The following SPA17 variants were observed in gnomAD, a reference collection of about 807,000 sequenced individuals.
SPA17 encodes sperm autoantigenic protein 17, also known as sperm surface protein Sp17.
In SPA17, 7 loss-of-function variants were observed where a neutral mutation model predicts 13.8. That is an observed-to-expected ratio of 0.51 (90% CI 0.29 to 0.95). The LOEUF (loss-of-function observed/expected upper bound fraction) is 0.95, where lower values mean the gene tolerates loss of function less well. Ranked by LOEUF, SPA17 falls within the 40% of genes least tolerant of loss-of-function variation. The pLI, the probability that SPA17 is intolerant of heterozygous loss-of-function variation, is 0.08. For missense variants in SPA17, 170 were observed against 179.3 expected (o/e 0.95, Z 0.30); for synonymous variants, 61 against 59.0 (o/e 1.03, Z -0.16).
intron 2 of SPA17, among the ~76,000 whole-genome samples, chr11:124,677,208 C>G (rs914893138): frequency 3.3e-5 from 5 of 152,106 alleles, no homozygotes; most frequent in Non-Finnish European, 7.4e-5. Context: ...GACAAATTAT[C>G]TAGAAGATAC....
intron 4 of SPA17, among the ~76,000 whole-genome samples, chr11:124,693,549 A>G (rs980465805): frequency 1.3e-5 from 2 of 152,134 alleles, no homozygotes; most frequent in African/African-American, 4.8e-5. Context: ...AAGGATGTAG[A>G]TACTCAACTC....
chr11:124,675,781 C>T (rs1281309534), intron 2 of SPA17: 2 of 165,372 alleles, frequency 1.2e-5, no homozygotes, highest in African/African-American at 4.8e-5. Flanking sequence ...GCATCCCTGG[C>T]AGCTGACTGT....
At chr11:124,679,172 C>T (rs1943502460) in intron 2 of SPA17, among the ~76,000 whole-genome samples, 1 of 149,822 alleles carries the variant, frequency 6.7e-6, no homozygotes, top group Non-Finnish European at 1.5e-5. Flanking sequence ...AATGTAAAAG[C>T]AAAGTGAAAC....
chr11:124,675,283 A>G lies in SPA17; in HGVS notation c.19A>G (p.Asn7Asp). 1 of 1,613,752 alleles carries G rather than the reference A, an allele frequency of 6.2e-7. No homozygotes were observed. The highest frequency in any genetic ancestry group is 8.5e-7 in the Non-Finnish European group (1 of 1,179,938). The change falls in exon 2 of 5, where the codon AAC becomes GAC. Residue 7 changes from asparagine (N) to aspartate (D), a missense_variant. Physicochemically the swap from Asn to Asp is conservative, Grantham distance 23. Coordinates refer to ENST00000227135, the MANE Select transcript of SPA17 (RefSeq NM_017425.4). MSIPFSNTHYRIPQGFG... is the reference protein window; with the variant it reads MSIPFSDTHYRIPQGFG... ...CAAGAAGATGTCGATTCCATTCTCC[A>G]ACACCCACTACCGAATTCCACAAGG...
At chr11:124,692,316 C>T (rs1406799550) in intron 4 of SPA17, among the ~76,000 whole-genome samples, 2 of 152,024 alleles carry the variant, frequency 1.3e-5, no homozygotes, top group Admixed American at 6.6e-5. Context: ...CGTGGTGGCT[C>T]ACGTCTGTAA....
At chr11:124,689,747 G>A (rs748082690) in intron 3 of SPA17, among the ~76,000 whole-genome samples, 3 of 150,674 alleles carry the variant, frequency 2.0e-5, no homozygotes, top group Admixed American at 2.0e-4. Flanking sequence ...AACAGAGTGA[G>A]ACCCTGTCTC....
chr11:124,691,819 A>G (rs779200893), intron 4 of SPA17, 37 bp downstream of exon 4: 2 of 1,401,950 alleles, frequency 1.4e-6, no homozygotes, highest in East Asian at 2.3e-5. Context: ...GGATTCCTAC[A>G]AAGAATGATA....
chr11:124,681,133 T>A (rs938614712), intron 2 of SPA17, among the ~76,000 whole-genome samples: 2 of 152,122 alleles, frequency 1.3e-5, no homozygotes, highest in African/African-American at 4.8e-5. Context: ...ATTATAAATT[T>A]TATGAAGGCA....
rs1172906645 is a variant in SPA17 at position 124,694,877 on chromosome 11, A to G, written c.*431A>G. On this transcript the variant is annotated 3_prime_UTR_variant, in exon 5 of 5. Coordinates refer to ENST00000227135, the MANE Select transcript of SPA17 (RefSeq NM_017425.4). The stretch of plus-strand genomic sequence containing the variant: ...TAGTCTATTTAATTTTGGAATTTTT[A>G]GAAAGATAAGCTGGGACAAAAATCT... 6.5e-6 allele frequency: 1 copy of G among 152,902 alleles called. No homozygotes were observed. The highest frequency in any genetic ancestry group is 2.4e-5 in the African/African-American group (1 of 41,460). The allele number at this position is 152,902 out of a possible 1,614,324, so 9.5% of individuals were successfully genotyped here.
chr11:124,679,825 C>T (rs750752875), intron 2 of SPA17, among the ~76,000 whole-genome samples: 2 of 152,130 alleles, frequency 1.3e-5, no homozygotes, highest in African/African-American at 2.4e-5. Flanking sequence ...CATTTGAGCA[C>T]CTGAATAAGC....
At chr11:124,684,497 C>A (rs545784350) in intron 3 of SPA17, among the ~76,000 whole-genome samples, 68 of 152,252 alleles carry the variant, frequency 4.5e-4, no homozygotes, top group African/African-American at 1.6e-3. Context: ...AGTGATCTAC[C>A]CACCTCGTCT....
rs936139883 is a variant in SPA17, at chr11:124,682,420, A to C, written c.225+961A>C. Among the ~76,000 whole-genome samples, 6 of 152,140 alleles carry C rather than the reference A, an allele frequency of 3.9e-5. No individual in the cohort carries two copies. The East Asian group carries it at 1.2e-3, about 29-fold the overall frequency. ...AAATTCTTAAAGTCTCAGATAAGGAACTCAAAATACTGATTTTTAAATATG... is the reference window on the plus strand; with the variant it reads ...AAATTCTTAAAGTCTCAGATAAGGACCTCAAAATACTGATTTTTAAATATG... On this transcript the variant is annotated intron_variant, in intron 3 of 4. Transcript: ENST00000227135.
rs368516486 is a variant in SPA17, at chr11:124,675,357, A to G, written c.93A>G (p.Gln31=). Residue 31 remains glutamine, a synonymous_variant, in exon 2 of 5, where the codon CAA becomes CAG. Transcript: ENST00000227135. ...TGACACGCGAGATTCTGAGAGAGCA[A>G]CCGGACAATATACCAGCTTTTGCAG... ...EGLTREILRE[Q]PDNIPAFAAA... 3.1e-6 allele frequency: 5 copies of G among 1,614,114 alleles called. No homozygotes were observed. The highest frequency in any genetic ancestry group is 4.2e-6 in the Non-Finnish European group (5 of 1,180,046).
intron 3 of SPA17, among the ~76,000 whole-genome samples, chr11:124,686,999 A>G (rs1943583914): frequency 6.6e-6 from 1 of 152,184 alleles, no homozygotes; most frequent in Admixed American, 6.5e-5. Context: ...CAAAACAAAA[A>G]GTTGGTTCTT....
In SPA17 at chr11:124,695,785, A is replaced by G. The variant is rs1591409730; in HGVS notation, c.*1339A>G. The G allele has an allele frequency of 1.3e-5, 2 of 152,406 alleles. No homozygotes were observed. The highest frequency in any genetic ancestry group is 3.9e-4 in the East Asian group (2 of 5,186). The allele number at this position is 152,406 out of a possible 1,614,324, so 9.4% of individuals were successfully genotyped here. Reference sequence around the variant, plus strand: ...CAAAGCCAGTGTTCCCCCAAAGCTTAAAAACAAGCCAGGATGGCTCAGTCC... The same window carrying G: ...CAAAGCCAGTGTTCCCCCAAAGCTTGAAAACAAGCCAGGATGGCTCAGTCC... On this transcript the variant is annotated 3_prime_UTR_variant, in exon 5 of 5. Coordinates refer to ENST00000227135, the MANE Select transcript of SPA17 (RefSeq NM_017425.4).
rs527573784 is a variant in SPA17, at chr11:124,692,185, C to G, written c.312+403C>G. 9.8e-5 allele frequency among the ~76,000 whole-genome samples: 15 copies of G among 152,300 alleles called. No homozygotes were observed. In the South Asian group the frequency reaches 1.5e-3, roughly 15 times the overall value. On this transcript the variant is annotated intron_variant, in intron 4 of 4. Coordinates refer to ENST00000227135, the MANE Select transcript of SPA17 (RefSeq NM_017425.4). ...AAGGAAAATCACAGGGAATTACATA[C>G]AGCCAAAATAATGGCTTTACAACAA... is the stretch of plus-strand genomic sequence containing the variant.
At chr11:124,676,006 A>G (rs1203381113) in intron 2 of SPA17, 1 of 152,302 alleles carries the variant, frequency 6.6e-6, no homozygotes, top group Non-Finnish European at 1.5e-5. Flanking sequence ...GCTAAATTCC[A>G]TCCTGCACAG....
At chr11:124,682,280 A>G (rs1377455215) in intron 3 of SPA17, among the ~76,000 whole-genome samples, 1 of 152,168 alleles carries the variant, frequency 6.6e-6, no homozygotes, top group Non-Finnish European at 1.5e-5. Context: ...CATTATTGGC[A>G]TCAACTGGAA....
At chr11:124,693,286 CA>C (rs1300948796) in intron 4 of SPA17, among the ~76,000 whole-genome samples, 4 of 151,636 alleles carry the variant, frequency 2.6e-5, no homozygotes, top group Non-Finnish European at 4.4e-5. Flanking sequence ...TTGAGCAACC[CA>C]AAGGTCCATT....
Sources: allele counts gnomAD v4.1 joint callset (sites outside exome capture counted in the v4.1 genomes callset), GRCh38; gene constraint gnomAD v4.1.1; transcripts MANE v1.5; gene names NCBI Gene and HGNC (gene_info 2026-07-23, HGNC 2026-07-21).